WAC: variants seen among roughly 807,000 people sequenced by gnomAD.
WAC encodes WW domain containing adaptor with coiled-coil.
In WAC, 11 loss-of-function variants were observed where a neutral mutation model predicts 79.6. The observed-to-expected ratio is 0.14, with a 90% CI of 0.09 to 0.23. The LOEUF (loss-of-function observed/expected upper bound fraction) is 0.23. Ranked by LOEUF, WAC falls within the 10% of genes least tolerant of loss-of-function variation. The pLI is 1.00. For missense variants in WAC, 728 were observed against 773.5 expected (o/e 0.94, Z 0.70); for synonymous variants, 304 against 276.9 (o/e 1.10, Z -0.97).
chr10:28,535,618 G>T lies in WAC; in HGVS notation c.135G>T (p.Lys45Asn). The change falls in exon 3 of 14, where the codon AAG (lysine) becomes AAT (asparagine). Residue 45 changes from lysine to asparagine, a missense_variant. By Grantham distance (94) the Lys-to-Asn change is moderately conservative. Around this residue, in one of 3 missense-constraint regions of WAC, gnomAD observed 648 missense variants for 661.5 expected, o/e 0.98. Coordinates refer to ENST00000354911, the MANE Select transcript of WAC (RefSeq NM_016628.5). ...GTAGCGGTGATCACAGACATGAAAA[G>T]ATGCGAGACGCCGGAGATCCTTCAC... The part of the protein sequence containing the change: ...HPSSGDHRHE[K>N]MRDAGDPSPP... The T allele has an allele frequency of 6.2e-7, 1 of 1,614,094 alleles. No individual in the cohort carries two copies. Among genetic ancestry groups the T allele is most frequent in the Non-Finnish European group, 8.5e-7 (1 of 1,180,002 alleles).
intron 3 of WAC, among the ~76,000 whole-genome samples, chr10:28,578,460 A>G (rs1419226985): frequency 6.6e-6 from 1 of 152,182 alleles, no homozygotes; most frequent in Non-Finnish European, 1.5e-5. Flanking sequence ...GAATAAGGAC[A>G]TAAATGCCAT....
chr10:28,550,681 G>A (rs1451273917), intron 3 of WAC, among the ~76,000 whole-genome samples: 3 of 152,086 alleles, frequency 2.0e-5, no homozygotes, highest in Non-Finnish European at 4.4e-5. Context: ...GCATTTAAGA[G>A]TAAAATCATA....
rs143772149 is a variant in WAC, at chr10:28,541,415, G to GTTTTTTTTTT, written c.274+5662_274+5663insTTTTTTTTTT. On this transcript the variant is annotated intron_variant, in intron 3 of 13. Transcript: ENST00000354911. The stretch of plus-strand genomic sequence containing the variant: ...TTTTTGTGGGGTTGTGTGTGTGTGT[G>GTTTTTTTTTT]TTTTGTTTTTTTTTTTTTTTTTTTT... Among the ~76,000 whole-genome samples the GTTTTTTTTTT allele has an allele frequency of 1.1e-3, 40 of 37,888 alleles. 10 individuals are homozygous for GTTTTTTTTTT. Among genetic ancestry groups the GTTTTTTTTTT allele is most frequent in the Non-Finnish European group, 1.2e-3 (28 of 23,612 alleles). 24.9% of individuals were successfully genotyped at this position (37,888 alleles called of 152,430 possible).
At chr10:28,594,859 G>T (rs866086416) in intron 6 of WAC, among the ~76,000 whole-genome samples, 1 of 152,120 alleles carries the variant, frequency 6.6e-6, no homozygotes, top group African/African-American at 2.4e-5. Flanking sequence ...TGGACACTTT[G>T]AATGAACTTC....
intron 5 of WAC, 84 bp downstream of exon 5, chr10:28,589,935 T>C: frequency 9.6e-7 from 1 of 1,039,250 alleles, no homozygotes; most frequent in South Asian, 1.4e-5. Context: ...ACATTCTAAT[T>C]TAGCTTTTTT....
intron 3 of WAC, among the ~76,000 whole-genome samples, chr10:28,538,878 A>AG (rs1336921216): frequency 6.6e-6 from 1 of 151,382 alleles, no homozygotes; most frequent in African/African-American, 2.4e-5. Context: ...AAAAAAAAAA[A>AG]AAAAAAGAAA....
Position 28,589,541 on chromosome 10 carries a change from A to G in WAC, c.382-195A>G, listed in dbSNP as rs186800993. 941 of 316,176 alleles carry G rather than the reference A, an allele frequency of 3.0e-3. 3 individuals are homozygous for G. Among genetic ancestry groups the G allele is most frequent in the Non-Finnish European group, 2.3e-3 (399 of 173,728 alleles). The allele number at this position is 316,176 out of a possible 1,614,324, so 19.6% of individuals were successfully genotyped here. ...AATTTTTATTCTGCTTAATTTTGAT[A>G]TTTTATAAAGTTCTGTTGTCTTTGA... On this transcript the variant is annotated intron_variant, in intron 4 of 13. Transcript: ENST00000354911.
At chr10:28,611,375 GTA>G in intron 9 of WAC, 1 of 1,298,082 alleles carries the variant, frequency 7.7e-7, no homozygotes, top group Non-Finnish European at 1.0e-6. Context: ...TGGAATGGAA[GTA>G]TAATGGTGCA....
rs933033057 is a variant in WAC, at chr10:28,620,156, G to A, written c.*550G>A. Reference sequence around the variant, plus strand: ...GCAGTGCTTCTCCATTTGTTTTGCAGAGAAATGTTTTTCATTTCCCGTGTG... The same window carrying A: ...GCAGTGCTTCTCCATTTGTTTTGCAAAGAAATGTTTTTCATTTCCCGTGTG... On this transcript the variant is annotated 3_prime_UTR_variant, in exon 14 of 14. Coordinates refer to ENST00000354911, the MANE Select transcript of WAC (RefSeq NM_016628.5). 6.6e-6 allele frequency: 1 copy of A among 152,618 alleles called. No homozygotes were observed. Among genetic ancestry groups the A allele is most frequent in the Non-Finnish European group, 1.5e-5 (1 of 68,038 alleles). 9.5% of individuals were successfully genotyped at this position (152,618 alleles called of 1,614,324 possible).
rs773255076 is a variant in WAC, at chr10:28,611,763, C to G, written c.1289-11C>G. ...TTTTTCTTTAAAATTAATTGCTTCCCTCTTTTACAGCCCAGCCATCTAATC... is the reference window on the plus strand; with the variant it reads ...TTTTTCTTTAAAATTAATTGCTTCCGTCTTTTACAGCCCAGCCATCTAATC... On this transcript the variant is annotated splice_polypyrimidine_tract_variant and intron_variant, in intron 9 of 13. Coordinates refer to ENST00000354911, the MANE Select transcript of WAC (RefSeq NM_016628.5). 14 of 1,604,344 alleles carry G rather than the reference C, an allele frequency of 8.7e-6. No individual in the cohort carries two copies. In the East Asian group the frequency reaches 2.2e-4, roughly 26 times the overall value.
intron 3 of WAC, among the ~76,000 whole-genome samples, chr10:28,541,433 T>TG (rs1837038260): frequency 1.4e-5 from 2 of 141,672 alleles, no homozygotes; most frequent in Non-Finnish European, 3.1e-5. Flanking sequence ...TTTTTTTTTT[T>TG]TTTTTTTTTT....
intron 7 of WAC, among the ~76,000 whole-genome samples, chr10:28,605,541 A>G (rs958330595): frequency 1.2e-4 from 18 of 152,222 alleles, no homozygotes; most frequent in African/African-American, 2.4e-4. Flanking sequence ...AGTAGAATCA[A>G]CTGGTTTCCA....
rs765157029 is a variant in WAC, at chr10:28,596,017, C to A, written c.895C>A (p.Pro299Thr). 6.2e-7 allele frequency: 1 copy of A among 1,613,864 alleles called. No individual in the cohort carries two copies. Among genetic ancestry groups the A allele is most frequent in the South Asian group, 1.1e-5 (1 of 91,068 alleles). The change falls in exon 7 of 14, where the codon CCT becomes ACT. Residue 299 changes from proline (P) to threonine (T), a missense_variant. By Grantham distance (38) the Pro-to-Thr change is conservative. This residue lies in a region of WAC where 648 missense variants were observed against 661.5 expected (regional missense o/e 0.98). Transcript: ENST00000354911. ...SKLPTPTSSV[P>T]AQKTERKEST... Reference sequence around the variant, plus strand: ...ACTGCCTACACCCACATCTTCTGTCCCTGCACAGAAAACAGAAAGAAAAGG... The same window carrying A: ...ACTGCCTACACCCACATCTTCTGTCACTGCACAGAAAACAGAAAGAAAAGG...
At position 28,620,114 on chromosome 10, in the gene WAC, C is replaced by T. The variant is rs1004727265; in HGVS notation, c.*508C>T. The T allele has an allele frequency of 1.3e-5, 2 of 152,624 alleles. No homozygotes were observed. Among genetic ancestry groups the T allele is most frequent in the Non-Finnish European group, 2.9e-5 (2 of 68,066 alleles). The allele number at this position is 152,624 out of a possible 1,614,324, so 9.5% of individuals were successfully genotyped here. A position where few individuals can be genotyped will look rare whatever the true frequency, so the allele number is the denominator to read the frequency against. On this transcript the variant is annotated 3_prime_UTR_variant, in exon 14 of 14. Transcript: ENST00000354911. ...AAAATATGAAACAACTGTTTCCACA[C>T]TTGCACCTGATCAAGAGCAGTGCTT... is the stretch of plus-strand genomic sequence containing the variant.
chr10:28,534,131 C>T (rs1416124263), intron 2 of WAC, 97 bp downstream of exon 2: 10 of 1,229,048 alleles, frequency 8.1e-6, no homozygotes, highest in Admixed American at 2.7e-5. Flanking sequence ...GATACAGGCC[C>T]TTCGGTGCAA....
intron 3 of WAC, among the ~76,000 whole-genome samples, chr10:28,545,378 G>C (rs573033685): frequency 6.6e-6 from 1 of 152,272 alleles, no homozygotes; most frequent in African/African-American, 2.4e-5. Context: ...TACTTGGGAG[G>C]CTGAGGCAGG....
At chr10:28,587,532 G>C (rs1839882789) in intron 4 of WAC, among the ~76,000 whole-genome samples, 1 of 152,186 alleles carries the variant, frequency 6.6e-6, no homozygotes, top group Non-Finnish European at 1.5e-5. Flanking sequence ...GCATATATTG[G>C]CAACCATCCC....
chr10:28,578,891 G>A (rs1260384797), intron 3 of WAC, among the ~76,000 whole-genome samples: 2 of 152,144 alleles, frequency 1.3e-5, no homozygotes, highest in Non-Finnish European at 2.9e-5. Context: ...CAGTCATGTT[G>A]TTACATCTCC....
chr10:28,547,868 A>C (rs1470695153), intron 3 of WAC, among the ~76,000 whole-genome samples: 1 of 147,800 alleles, frequency 6.8e-6, no homozygotes. Flanking sequence ...ACTTCTAATT[A>C]GTGCATTTTA....
Sources: gnomAD v4.1 joint callset for allele counts (sites outside exome capture counted in the v4.1 genomes callset) on GRCh38, gnomAD v4.1.1 for gene constraint, gnomAD v4.1.1 regional missense constraint, MANE v1.5 for transcripts, NCBI Gene and HGNC (gene_info 2026-07-23, HGNC 2026-07-21) for gene names.